Variants in PRKAR1A observed in about 807,000 individuals in gnomAD.
The protein encoded by PRKAR1A is cAMP-dependent protein kinase type I-alpha regulatory subunit.
In PRKAR1A, 3 loss-of-function variants were observed where a neutral mutation model predicts 52.0. The ratio of observed to expected loss-of-function variants is 0.06; its 90% CI spans 0.03 to 0.15. The LOEUF (loss-of-function observed/expected upper bound fraction) is 0.15. Ranked by LOEUF, PRKAR1A falls within the 10% of genes least tolerant of loss-of-function variation. The pLI, the probability that PRKAR1A is intolerant of heterozygous loss-of-function variation, is 1.00. For synonymous variants in PRKAR1A, 188 were observed against 168.4 expected, an observed-to-expected ratio of 1.12 and a Z score of -0.90; for missense variants, 240 against 477.4, an observed-to-expected ratio of 0.50 and a Z score of 4.63.
At chr17:68,446,046 A>AATACC in the PRKAR1A span, among the ~76,000 whole-genome samples, 1 of 152,186 alleles carries the variant, frequency 6.6e-6, no homozygotes, top group Admixed American at 6.5e-5. Context: ...GGTACCAAAA[A>AATACC]ATACCACACA....
the PRKAR1A span, among the ~76,000 whole-genome samples, chr17:68,451,471 G>A: frequency 3.9e-5 from 6 of 152,232 alleles, no homozygotes; most frequent in South Asian, 1.2e-3. Context: ...TAGACTGCAA[G>A]TCAGAGCAAA....
chr17:68,445,846 C>T, the PRKAR1A span, among the ~76,000 whole-genome samples: 2 of 152,224 alleles, frequency 1.3e-5, no homozygotes, highest in African/African-American at 4.8e-5. Flanking sequence ...CTTGGCTCCC[C>T]TCAGGCCAGT....
intron 2 of PRKAR1A, among the ~76,000 whole-genome samples, chr17:68,520,508 T>G (rs1188140845): frequency 6.6e-6 from 1 of 152,218 alleles, no homozygotes; most frequent in Non-Finnish European, 1.5e-5. Flanking sequence ...GGAGTACATG[T>G]GATATTTTAC....
chr17:68,489,241 A>G, the PRKAR1A span, among the ~76,000 whole-genome samples: 1 of 28,950 alleles, frequency 3.5e-5, no homozygotes, highest in Non-Finnish European at 5.4e-5. Context: ...GAAAGTATAT[A>G]TATATATATA....
the PRKAR1A span, among the ~76,000 whole-genome samples, chr17:68,438,458 G>A: frequency 6.6e-6 from 1 of 152,248 alleles, no homozygotes; most frequent in East Asian, 1.9e-4. Context: ...AGATCTGGTT[G>A]TCTTGTGTGC....
chr17:68,468,111 C>T, the PRKAR1A span, among the ~76,000 whole-genome samples: 1 of 152,040 alleles, frequency 6.6e-6, no homozygotes, highest in East Asian at 1.9e-4. Context: ...GCCATGTCAC[C>T]CAGGCTGTGA....
chr17:68,414,343 A>G, the PRKAR1A span, among the ~76,000 whole-genome samples: 2 of 152,160 alleles, frequency 1.3e-5, no homozygotes, highest in African/African-American at 2.4e-5. Context: ...ATTTATTGGT[A>G]TATGTTAAAC....
At chr17:68,488,600 T>C in the PRKAR1A span, among the ~76,000 whole-genome samples, 1 of 151,810 alleles carries the variant, frequency 6.6e-6, no homozygotes, top group Non-Finnish European at 1.5e-5. Context: ...ATGATGTGGC[T>C]CAAGCTTGTA....
At chr17:68,541,093 C>T in intron 11 of PRKAR1A, 3 of 1,361,334 alleles carry the variant, frequency 2.2e-6, no homozygotes, top group South Asian at 2.6e-5. Flanking sequence ...TTCTAAAATT[C>T]AGAAAGGCCC....
At chr17:68,417,733 A>ATTTTTTTTTTTTTT in the PRKAR1A span, among the ~76,000 whole-genome samples, 12 of 60,832 alleles carry the variant, frequency 2.0e-4, 3 homozygotes, top group Non-Finnish European at 2.3e-4. Flanking sequence ...GAGTTGCTGA[A>ATTTTTTTTTTTTTT]TTTTTTTTTT....
At chr17:68,513,030 C>T (rs1017642567) in intron 1 of PRKAR1A, 2 of 152,246 alleles carry the variant, frequency 1.3e-5, no homozygotes, top group Admixed American at 6.5e-5. Flanking sequence ...AGTAGCCTTT[C>T]CTCTTCATAG....
chr17:68,452,463 G>T, the PRKAR1A span, among the ~76,000 whole-genome samples: 13 of 152,190 alleles, frequency 8.5e-5, no homozygotes, highest in South Asian at 4.1e-4. Flanking sequence ...TACTTGGGAG[G>T]CTGAGGCAGG....
chr17:68,531,610 A>G lies in PRKAR1A; in HGVS notation c.*1161A>G. 9.4e-7 allele frequency: 1 copy of G among 1,066,298 alleles called. No individual in the cohort carries two copies. The highest frequency in any genetic ancestry group is 1.1e-6 in the Non-Finnish European group (1 of 879,622). 66.1% of individuals were successfully genotyped at this position (1,066,298 alleles called of 1,614,324 possible). On this transcript the variant is annotated 3_prime_UTR_variant, in exon 11 of 11. Transcript: ENST00000589228. The stretch of plus-strand genomic sequence containing the variant: ...CTAGAATTTCTGGTGGGTTGATGGT[A>G]GGGTATAATGTGTCTGTGTTGCTTC...
rs1406906536 is a variant in PRKAR1A at position 68,532,800 on chromosome 17, C to G, written c.*2351C>G. The G allele has an allele frequency of 5.6e-6, 6 of 1,066,334 alleles. No individual in the cohort carries two copies. Among genetic ancestry groups the G allele is most frequent in the Non-Finnish European group, 6.8e-6 (6 of 879,802 alleles). 66.1% of individuals were successfully genotyped at this position (1,066,334 alleles called of 1,614,324 possible). Reference sequence around the variant, plus strand: ...TCAGTTTTTCTTCCCTTTCTCCTTTCCGTCTTTCCTCTCTCTGTCCTTCCC... The same window carrying G: ...TCAGTTTTTCTTCCCTTTCTCCTTTGCGTCTTTCCTCTCTCTGTCCTTCCC... On this transcript the variant is annotated 3_prime_UTR_variant, in exon 11 of 11. Coordinates refer to ENST00000589228, the MANE Select transcript of PRKAR1A (RefSeq NM_002734.5).
chr17:68,477,697 G>GTTT, the PRKAR1A span, among the ~76,000 whole-genome samples: 1 of 146,960 alleles, frequency 6.8e-6, no homozygotes, highest in African/African-American at 2.5e-5. Flanking sequence ...TTTTATTCTT[G>GTTT]TTTTTTTTTT....
chr17:68,476,569 T>A, the PRKAR1A span, among the ~76,000 whole-genome samples: 1 of 152,156 alleles, frequency 6.6e-6, no homozygotes, highest in Non-Finnish European at 1.5e-5. Context: ...TTCTGGAATT[T>A]GTCTGTCCGT....
chr17:68,423,866 T>C, the PRKAR1A span, among the ~76,000 whole-genome samples: 5 of 152,228 alleles, frequency 3.3e-5, no homozygotes, highest in Non-Finnish European at 7.3e-5. This position sits in a 1 kb window ranked among gnomAD's most constrained non-coding sequence, Gnocchi z 4.4. Context: ...GTTGCAAGGC[T>C]TACTGCGATT....
the PRKAR1A span, among the ~76,000 whole-genome samples, chr17:68,489,186 GTATA>G: frequency 0.028 from 310 of 11,038 alleles, 11 homozygotes; most frequent in Non-Finnish European, 0.038. Context: ...ATCTTGGAAA[GTATA>G]TATATATATA....
the PRKAR1A span, among the ~76,000 whole-genome samples, chr17:68,486,469 C>CCT: frequency 5.9e-5 from 6 of 102,444 alleles, no homozygotes; most frequent in South Asian, 3.7e-4. Context: ...TTCTTTCTTT[C>CCT]TCTCCTTCCT....
Sources: allele counts gnomAD v4.1 joint callset (sites outside exome capture counted in the v4.1 genomes callset), GRCh38; gene constraint gnomAD v4.1.1; non-coding constraint Gnocchi (gnomAD v3.1); transcripts MANE v1.5; gene names NCBI Gene and HGNC (gene_info 2026-07-23, HGNC 2026-07-21).